The following KCND2 variants were observed in gnomAD, a reference collection of about 807,000 sequenced individuals.
KCND2 encodes A-type voltage-gated potassium channel KCND2.
KCND2 carries 16 observed loss-of-function variants against 54.4 expected under a neutral mutation model. The ratio of observed to expected loss-of-function variants is 0.29; its 90% CI spans 0.20 to 0.45. The LOEUF is 0.45. Among genes scored for constraint, KCND2 ranks in the 20% least tolerant of loss-of-function variants. The pLI is 1.00. For missense variants in KCND2, 486 were observed against 824.2 expected (o/e 0.59, Z 5.02); for synonymous variants, 317 against 310.7 (o/e 1.02, Z -0.21).
chr7:120,513,009 T>C (rs1167749902), intron 1 of KCND2, among the ~76,000 whole-genome samples: 1 of 151,996 alleles, frequency 6.6e-6, no homozygotes, highest in East Asian at 1.9e-4. Flanking sequence ...TTGGCCAGGC[T>C]GGTCTTGAAC....
chr7:120,274,598 C>T lies in KCND2; in HGVS notation c.-35C>T, dbSNP rs1236806299. The T allele has an allele frequency of 5.0e-6, 8 of 1,614,042 alleles. No homozygotes were observed. Among genetic ancestry groups the T allele is most frequent in the Non-Finnish European group, 6.8e-6 (8 of 1,179,980 alleles). On this transcript the variant is annotated 5_prime_UTR_variant, in exon 1 of 6. Transcript: ENST00000331113. ...CTGCTTCGGTGACCCATTGTAGACG[C>T]CTCGTTACCCTTCTTCCTTCCGCTT...
chr7:120,296,533 G>A (rs916606774), intron 1 of KCND2, among the ~76,000 whole-genome samples: 6 of 152,024 alleles, frequency 3.9e-5, no homozygotes, highest in Non-Finnish European at 8.8e-5. Flanking sequence ...CCAATAGTAT[G>A]ATCATATGGG....
At chr7:120,504,799 A>AT (rs899728944) in intron 1 of KCND2, among the ~76,000 whole-genome samples, 80 of 151,476 alleles carry the variant, frequency 5.3e-4, no homozygotes, top group Non-Finnish European at 8.6e-4. Context: ...ACACAGATGC[A>AT]TTTTTTTTGT....
chr7:120,744,776 G>A (rs1229450638), intron 4 of KCND2, among the ~76,000 whole-genome samples: 2 of 152,030 alleles, frequency 1.3e-5, no homozygotes, highest in Non-Finnish European at 2.9e-5. Context: ...ATGGTTAAGT[G>A]GAATTTGGTA....
chr7:120,551,977 C>A (rs1792110112), intron 1 of KCND2, among the ~76,000 whole-genome samples: 1 of 152,126 alleles, frequency 6.6e-6, no homozygotes, highest in African/African-American at 2.4e-5. Flanking sequence ...TTCTCTTCTA[C>A]CCTCAGGCAT....
intron 1 of KCND2, among the ~76,000 whole-genome samples, chr7:120,601,440 C>G (rs900610679): frequency 3.9e-4 from 59 of 151,972 alleles, no homozygotes; most frequent in African/African-American, 1.4e-3. Flanking sequence ...ATCGAAAGGA[C>G]ATTCAAAGTA....
chr7:120,731,814 A>G (rs143433948), intron 1 of KCND2, among the ~76,000 whole-genome samples: 194 of 152,300 alleles, frequency 1.3e-3, no homozygotes, highest in African/African-American at 4.3e-3. Flanking sequence ...CAGCTAAGAG[A>G]TGAAACGTTG....
At chr7:120,553,978 T>C (rs1792131904) in intron 1 of KCND2, among the ~76,000 whole-genome samples, 1 of 152,214 alleles carries the variant, frequency 6.6e-6, no homozygotes, top group Admixed American at 6.5e-5. Context: ...TTCCTTTGAC[T>C]TCTTGACCTT....
chr7:120,340,190 G>A (rs1800221080), intron 1 of KCND2, among the ~76,000 whole-genome samples: 1 of 152,168 alleles, frequency 6.6e-6, no homozygotes, highest in African/African-American at 2.4e-5. Context: ...AAGAAAACCA[G>A]TTTAGAAAGG....
intron 1 of KCND2, among the ~76,000 whole-genome samples, chr7:120,489,330 AATAC>A (rs1465046072): frequency 6.6e-6 from 1 of 152,084 alleles, no homozygotes; most frequent in African/African-American, 2.4e-5. Flanking sequence ...TGATATATGT[AATAC>A]ATATACAATA....
intron 1 of KCND2, among the ~76,000 whole-genome samples, chr7:120,528,493 A>G (rs1791804382): frequency 6.6e-6 from 1 of 152,146 alleles, no homozygotes; most frequent in African/African-American, 2.4e-5. Context: ...GTGATGTAAG[A>G]TATTATGTGT....
At chr7:120,420,604 C>T (rs909385171) in intron 1 of KCND2, among the ~76,000 whole-genome samples, 1 of 151,978 alleles carries the variant, frequency 6.6e-6, no homozygotes, top group Non-Finnish European at 1.5e-5. Flanking sequence ...GCATATCCAT[C>T]GGGGTGAGGA....
intron 1 of KCND2, among the ~76,000 whole-genome samples, chr7:120,419,999 C>CA (rs34892437): frequency 0.06 from 4,928 of 82,694 alleles, 109 homozygotes; most frequent in Middle Eastern, 0.15. Context: ...GTTTATTCTA[C>CA]AAAAAAAAAA....
At chr7:120,678,834 G>T (rs1382575476) in intron 1 of KCND2, among the ~76,000 whole-genome samples, 9 of 148,486 alleles carry the variant, frequency 6.1e-5, no homozygotes, top group Non-Finnish European at 1.5e-5. Flanking sequence ...ATAAAGTCCA[G>T]TTTCAGCTTG....
At chr7:120,672,834 T>A (rs1792009243) in intron 1 of KCND2, 1 of 152,142 alleles carries the variant, frequency 6.6e-6, no homozygotes, top group South Asian at 2.1e-4. Context: ...CTCATCTCAT[T>A]TGACTGGTGT....
At chr7:120,739,798 AACACACACACAC>A (rs10571787) in intron 2 of KCND2, among the ~76,000 whole-genome samples, 2 of 144,066 alleles carry the variant, frequency 1.4e-5, no homozygotes, top group Non-Finnish European at 1.5e-5. Flanking sequence ...TAACAAAAGA[AACACACACACAC>A]ACACACACAC....
intron 1 of KCND2, among the ~76,000 whole-genome samples, chr7:120,320,189 A>G (rs1306911756): frequency 6.6e-6 from 1 of 152,072 alleles, no homozygotes; most frequent in Non-Finnish European, 1.5e-5. Context: ...TAGGGAAGAC[A>G]GGCACGTAAT....
chr7:120,686,498 G>C (rs556228697), intron 1 of KCND2, among the ~76,000 whole-genome samples: 2 of 152,154 alleles, frequency 1.3e-5, no homozygotes, highest in Admixed American at 1.3e-4. Context: ...ATTCAATGGA[G>C]AGGCATAAGA....
chr7:120,488,111 C>T (rs1016613911), intron 1 of KCND2, among the ~76,000 whole-genome samples: 1 of 152,112 alleles, frequency 6.6e-6, no homozygotes, highest in Admixed American at 6.6e-5. Flanking sequence ...AGGACAATCT[C>T]TTGAACTAGG....
Sources: allele counts gnomAD v4.1 joint callset (sites outside exome capture counted in the v4.1 genomes callset), GRCh38; gene constraint gnomAD v4.1.1; transcripts MANE v1.5; gene names NCBI Gene and HGNC (gene_info 2026-07-23, HGNC 2026-07-21).